PLXNB2: variants seen among roughly 807,000 people sequenced by gnomAD.
PLXNB2 encodes plexin-B2.
PLXNB2 carries 85 observed loss-of-function variants against 202.6 expected under a neutral mutation model. The ratio of observed to expected loss-of-function variants is 0.42; its 90% CI spans 0.35 to 0.50. PLXNB2 has a LOEUF of 0.50. Ranked by LOEUF, PLXNB2 falls within the 20% of genes least tolerant of loss-of-function variation. The pLI is 0.02. For missense variants in PLXNB2, 2,063 were observed against 2,586.2 expected (o/e 0.80, Z 4.39); for synonymous variants, 1,239 against 1,137.6 (o/e 1.09, Z -1.79).
Position 50,289,713 on chromosome 22 carries a change from C to T in PLXNB2, c.872G>A (p.Arg291Lys), listed in dbSNP as rs1569173910. Reference sequence around the variant, plus strand: ...TCTGCTGAAGACAGCATATAGCACCCTGCCAGAGCCAGGCGCAGCCACGGA... The same window carrying T: ...TCTGCTGAAGACAGCATATAGCACCTTGCCAGAGCCAGGCGCAGCCACGGA... ...AASVAAPGSG[R>K]VLYAVFSRDS... Residue 291 changes from arginine (R) to lysine (K), a missense_variant, in exon 3 of 37, where the codon AGG becomes AAG. By Grantham distance (26) the Arg-to-Lys change is conservative (BLOSUM62 2). Coordinates refer to ENST00000359337, the MANE Select transcript of PLXNB2 (RefSeq NM_012401.4). This position sits in a 1 kb window ranked among gnomAD's most constrained non-coding sequence, Gnocchi z 8.0. The T allele has an allele frequency of 4.3e-6, 7 of 1,611,648 alleles. No individual in the cohort carries two copies. The highest frequency in any genetic ancestry group is 2.2e-5 in the East Asian group (1 of 44,890).
chr22:50,275,907 C>T lies in PLXNB2; in HGVS notation c.5394G>A (p.Thr1798=), dbSNP rs563052435. Residue 1798 remains threonine (T), a synonymous_variant, in exon 36 of 37, where the codon ACG becomes ACA. Coordinates refer to ENST00000359337, the MANE Select transcript of PLXNB2 (RefSeq NM_012401.4). ...LVALHQLYQY[T]QKYYDEIINA... The stretch of plus-strand genomic sequence containing the variant: ...ACCCTACCTCGTCATAGTACTTCTG[C>T]GTGTATTGGTAGAGCTGGTGGAGTG... 2.2e-5 allele frequency: 35 copies of T among 1,612,588 alleles called. No homozygotes were observed. Among genetic ancestry groups the T allele is most frequent in the African/African-American group, 2.1e-4 (16 of 75,012 alleles).
chr22:50,299,303 G>C (rs1050741873), intron 1 of PLXNB2, among the ~76,000 whole-genome samples: 3 of 141,216 alleles, frequency 2.1e-5, no homozygotes, highest in Non-Finnish European at 3.1e-5. Flanking sequence ...CGTGGGGTGG[G>C]GGGGGGGCCC....
rs111925803 is a variant in PLXNB2 at position 50,281,547 on chromosome 22, C to G, written c.3522+19G>C. On this transcript the variant is annotated intron_variant, in intron 21 of 36. Transcript: ENST00000359337. Reference sequence around the variant, plus strand: ...CGCGGTCCCGTGGGGGCACCCCCCGCCAGTCCCCGCTCACGCACAATGAAC... The same window carrying G: ...CGCGGTCCCGTGGGGGCACCCCCCGGCAGTCCCCGCTCACGCACAATGAAC... 9 of 1,607,272 alleles carry G rather than the reference C, an allele frequency of 5.6e-6. No homozygotes were observed. Among genetic ancestry groups the G allele is most frequent in the Admixed American group, 3.3e-5 (2 of 59,830 alleles).
At position 50,278,192 on chromosome 22, in the gene PLXNB2, C is replaced by G. The variant is rs749235325; in HGVS notation, c.4812G>C (p.Lys1604Asn). ...GCTCCTTCTCTTTCACGCTGCCTCT[C>G]TTGGACTTGCCCTCGTCCACCTCGT... ...PTDEVDEGKS[K>N]RGSVKEKERT... The change falls in exon 31 of 37, where the codon AAG becomes AAC. Residue 1604 changes from lysine to asparagine, a missense_variant. This residue lies in a region of PLXNB2 where 760 missense variants were observed against 1,109.4 expected (regional missense o/e 0.69). Coordinates refer to ENST00000359337, the MANE Select transcript of PLXNB2 (RefSeq NM_012401.4). 3.1e-6 allele frequency: 5 copies of G among 1,608,078 alleles called. No individual in the cohort carries two copies. The highest frequency in any genetic ancestry group is 4.2e-6 in the Non-Finnish European group (5 of 1,179,934).
chr22:50,287,905 G>A (rs1308097416), intron 6 of PLXNB2, 32 bp downstream of exon 6: 1 of 1,581,400 alleles, frequency 6.3e-7, no homozygotes, highest in East Asian at 2.3e-5. Context: ...CCCAGAGGCA[G>A]GCCGTGTCCC....
At chr22:50,281,256 T>G (rs1601690286) in intron 22 of PLXNB2, 67 bp from the exon 23 acceptor site, 1 of 1,484,854 alleles carries the variant, frequency 6.7e-7, no homozygotes, top group African/African-American at 1.5e-5. Flanking sequence ...GATGAGGAGG[T>G]GGATCTACAC....
chr22:50,306,389 G>C (rs553394971), intron 1 of PLXNB2, among the ~76,000 whole-genome samples: 1 of 152,162 alleles, frequency 6.6e-6, no homozygotes, highest in Admixed American at 6.5e-5. Flanking sequence ...CCTGCCCTCC[G>C]GGAGACCCTC....
At position 50,278,020 on chromosome 22, in the gene PLXNB2, G is replaced by C. The variant is rs376746331; in HGVS notation, c.4888-7C>G. 239 of 1,610,468 alleles carry C rather than the reference G, an allele frequency of 1.5e-4. No homozygotes were observed. Among genetic ancestry groups the C allele is most frequent in the East Asian group, 1.3e-3 (58 of 44,840 alleles). ...CAAACTGCTGCAGTGTGCCCTGTGG[G>C]GGGGAGGGTCTCAGCGTGACGCCGT... On this transcript the variant is annotated splice_region_variant and splice_polypyrimidine_tract_variant and intron_variant, in intron 31 of 36. Transcript: ENST00000359337.
chr22:50,289,605 C>T lies in PLXNB2; in HGVS notation c.980G>A (p.Arg327His), dbSNP rs776323520. 6 of 1,610,260 alleles carry T rather than the reference C, an allele frequency of 3.7e-6. No homozygotes were observed. The highest frequency in any genetic ancestry group is 1.1e-5 in the South Asian group (1 of 91,094). ...CCGGGTGCCTGTGTAACAGGCGTTG[C>T]GGTTGGCCTCCATCTTGGCGTGCAC... is the stretch of plus-strand genomic sequence containing the variant. Reference protein sequence around the residue: ...DKVHAKMEANRNACYTGTREA... With the variant: ...DKVHAKMEANHNACYTGTREA... The change falls in exon 3 of 37, where the codon CGC (arginine) becomes CAC (histidine). Residue 327 changes from arginine (R) to histidine (H), a missense_variant. Coordinates refer to ENST00000359337, the MANE Select transcript of PLXNB2 (RefSeq NM_012401.4). This position sits in a 1 kb window ranked among gnomAD's most constrained non-coding sequence, Gnocchi z 8.0.
intron 1 of PLXNB2, among the ~76,000 whole-genome samples, chr22:50,305,141 C>T (rs75446269): frequency 0.026 from 3,967 of 152,346 alleles, 179 homozygotes; most frequent in African/African-American, 0.09. Context: ...CCCCTGCCCA[C>T]GCCCGCGTCC....
chr22:50,277,819 G>A lies in PLXNB2; in HGVS notation c.5048+34C>T, dbSNP rs768833161. 22 of 1,606,370 alleles carry A rather than the reference G, an allele frequency of 1.4e-5. No individual in the cohort carries two copies. The African/African-American group carries it at 1.6e-4, about 12-fold the overall frequency. ...AGCCTCCCAAGTGAGAGGCGGAGCC[G>A]GGGCTGGGCCGCGGGGTGGGTGTGG... On this transcript the variant is annotated intron_variant, in intron 32 of 36. Coordinates refer to ENST00000359337, the MANE Select transcript of PLXNB2 (RefSeq NM_012401.4).
chr22:50,300,221 C>T, intron 1 of PLXNB2: 1 of 958,104 alleles, frequency 1.0e-6, no homozygotes, highest in Non-Finnish European at 1.2e-6. Flanking sequence ...GTAACAATGA[C>T]GGCGGCGGCG....
At chr22:50,278,414 G>A (rs766847020) in intron 30 of PLXNB2, 21 bp downstream of exon 30, 25 of 1,560,074 alleles carry the variant, frequency 1.6e-5, no homozygotes, top group Middle Eastern at 1.7e-4. Flanking sequence ...GGAAGGAAAC[G>A]GGCAACAGGG....
At position 50,283,328 on chromosome 22, in the gene PLXNB2, G is replaced by A; in HGVS notation, c.2679+9C>T. 14 of 1,612,412 alleles carry A rather than the reference G, an allele frequency of 8.7e-6. No individual in the cohort carries two copies. The highest frequency in any genetic ancestry group is 1.1e-5 in the Non-Finnish European group (13 of 1,179,506). On this transcript the variant is annotated intron_variant, in intron 16 of 36. Coordinates refer to ENST00000359337, the MANE Select transcript of PLXNB2 (RefSeq NM_012401.4). ...CGGGTTCGGCAGGTCCCCGAGGCCGGGTGCTTACTTGGAAGGTGAACTGGA... is the reference window on the plus strand; with the variant it reads ...CGGGTTCGGCAGGTCCCCGAGGCCGAGTGCTTACTTGGAAGGTGAACTGGA...
chr22:50,288,944 C>A lies in PLXNB2; in HGVS notation c.1251+16G>T, dbSNP rs886915029. ...ACGGGCCCTCCAGAGCCTCCCCGCC[C>A]CAGCCTGGGCCAAACCTTGAGGATC... On this transcript the variant is annotated intron_variant, in intron 4 of 36. Coordinates refer to ENST00000359337, the MANE Select transcript of PLXNB2 (RefSeq NM_012401.4). This position sits in a 1 kb window ranked among gnomAD's most constrained non-coding sequence, Gnocchi z 5.0. 2 of 1,605,790 alleles carry A rather than the reference C, an allele frequency of 1.2e-6. No individual in the cohort carries two copies. Among genetic ancestry groups the A allele is most frequent in the African/African-American group, 1.3e-5 (1 of 74,802 alleles).
Position 50,285,573 on chromosome 22 carries a change from A to G in PLXNB2, c.2088+227T>C, listed in dbSNP as rs1424434976. On this transcript the variant is annotated intron_variant, in intron 11 of 36. Coordinates refer to ENST00000359337, the MANE Select transcript of PLXNB2 (RefSeq NM_012401.4). ...CTCCGCACCTGAGCCTGCCTGTCAC[A>G]GCCGGCACCCCTCCCTCCGCACCTG... Among the ~76,000 whole-genome samples, 2 of 2,270 alleles carry G rather than the reference A, an allele frequency of 8.8e-4. 1 individual carries two copies. Among genetic ancestry groups the G allele is most frequent in the African/African-American group, 4.5e-3 (2 of 448 alleles). The allele number at this position is 2,270 out of a possible 152,430, so 1.5% of individuals were successfully genotyped here.
intron 1 of PLXNB2, chr22:50,301,557 C>T (rs2067687244): frequency 9.7e-6 from 2 of 205,910 alleles, no homozygotes; most frequent in South Asian, 1.7e-4. Context: ...CCCGGCCCGC[C>T]GGTGCCCAGC....
At chr22:50,307,079 C>A (rs2067911921) in intron 1 of PLXNB2, among the ~76,000 whole-genome samples, 3 of 152,154 alleles carry the variant, frequency 2.0e-5, no homozygotes, top group Admixed American at 2.0e-4. Flanking sequence ...TGGGGTCTCG[C>A]CAGGTGCGGG....
At position 50,297,464 on chromosome 22, in the gene PLXNB2, C is replaced by T. The variant is rs879697377; in HGVS notation, c.-73-2686G>A. On this transcript the variant is annotated intron_variant, in intron 1 of 36. Transcript: ENST00000359337. The surrounding 1 kb of genome is among the most constrained non-coding windows in gnomAD (Gnocchi z 5.3). ...CTTCCCTGGCCCTCACCGTGGAGAA[C>T]GGCCATGGATTTCCCCTCCCAGAGA... is the stretch of plus-strand genomic sequence containing the variant. Among the ~76,000 whole-genome samples, 18 of 152,198 alleles carry T rather than the reference C, an allele frequency of 1.2e-4. No homozygotes were observed. The highest frequency in any genetic ancestry group is 2.1e-4 in the Non-Finnish European group (14 of 68,042).
Sources: gnomAD v4.1 joint callset for allele counts (sites outside exome capture counted in the v4.1 genomes callset) on GRCh38, gnomAD v4.1.1 for gene constraint, gnomAD v4.1.1 regional missense constraint, Gnocchi (gnomAD v3.1) non-coding constraint, MANE v1.5 for transcripts, NCBI Gene and HGNC (gene_info 2026-07-23, HGNC 2026-07-21) for gene names.